The following FBXL13 variants were observed in gnomAD, a reference collection of about 807,000 sequenced individuals.
FBXL13 encodes the protein F-box and leucine-rich repeat protein 13.
FBXL13 carries 67 observed loss-of-function variants against 83.6 expected under a neutral mutation model. That is an observed-to-expected ratio of 0.80 (90% confidence interval 0.66 to 0.98). FBXL13 has a LOEUF of 0.98. FBXL13 is among the 50% of genes least tolerant of loss of function. The probability of loss-of-function intolerance (pLI) is 0.00; values close to 1 mark genes in which losing one functional copy is unlikely to be tolerated. For missense variants in FBXL13, 822 were observed against 866.5 expected, an observed-to-expected ratio of 0.95 and a Z score of 0.64; for synonymous variants, 272 against 299.5, an observed-to-expected ratio of 0.91 and a Z score of 0.95.
chr7:102,867,954 G>T (rs145367780), intron 16 of FBXL13, among the ~76,000 whole-genome samples: 1 of 151,246 alleles, frequency 6.6e-6, no homozygotes, highest in Non-Finnish European at 1.5e-5. Context: ...TGCCCACCTC[G>T]GCCTCCCAAA....
intron 8 of FBXL13, among the ~76,000 whole-genome samples, chr7:102,947,313 G>A (rs1240826120): frequency 2.0e-5 from 3 of 152,150 alleles, no homozygotes; most frequent in Non-Finnish European, 4.4e-5. Flanking sequence ...AAGAGCCCAA[G>A]TTGTTCTCAG....
chr7:103,057,554 G>C (rs1797455708), intron 1 of FBXL13, among the ~76,000 whole-genome samples: 1 of 152,228 alleles, frequency 6.6e-6, no homozygotes, highest in South Asian at 2.1e-4. Context: ...AAACACATTT[G>C]TATTTTATCA....
chr7:102,820,104 T>C (rs1210797760), intron 19 of FBXL13, among the ~76,000 whole-genome samples: 1 of 152,212 alleles, frequency 6.6e-6, no homozygotes, highest in East Asian at 1.9e-4. Flanking sequence ...CACTCTACAG[T>C]GAGGACTGTC....
At chr7:102,911,100 T>C (rs1417933227) in intron 11 of FBXL13, among the ~76,000 whole-genome samples, 4 of 152,204 alleles carry the variant, frequency 2.6e-5, no homozygotes, top group African/African-American at 9.7e-5. Context: ...TAGATAGTTG[T>C]TAACTTGGTG....
At chr7:103,025,497 G>A (rs144843469) in intron 5 of FBXL13, among the ~76,000 whole-genome samples, 3 of 152,272 alleles carry the variant, frequency 2.0e-5, no homozygotes, top group African/African-American at 7.2e-5. Flanking sequence ...CTCTTTCACA[G>A]ATGAGGAAGT....
chr7:102,868,425 C>G (rs1196200260), intron 16 of FBXL13, among the ~76,000 whole-genome samples: 1 of 152,066 alleles, frequency 6.6e-6, no homozygotes, highest in Non-Finnish European at 1.5e-5. Context: ...TCTTTCTGTG[C>G]TTGGATTATT....
intron 11 of FBXL13, among the ~76,000 whole-genome samples, chr7:102,912,076 G>A (rs971751446): frequency 6.6e-6 from 1 of 152,132 alleles, no homozygotes; most frequent in Non-Finnish European, 1.5e-5. Context: ...GCCTGCCCCA[G>A]TATCTAGCAA....
intron 6 of FBXL13, among the ~76,000 whole-genome samples, chr7:103,010,091 C>T (rs1791439904): frequency 6.6e-6 from 1 of 151,704 alleles, no homozygotes; most frequent in Non-Finnish European, 1.5e-5. Flanking sequence ...AACCGGGTGC[C>T]AGAGCTTCTA....
At chr7:102,973,911 G>A in intron 6 of FBXL13, 1 of 655,728 alleles carries the variant, frequency 1.5e-6, no homozygotes, top group Non-Finnish European at 2.7e-6. Context: ...TTAGGGGGAC[G>A]CCTCTAAGCC....
At position 103,024,777 on chromosome 7, in the gene FBXL13, C is replaced by T. The variant is rs200036936; in HGVS notation, c.495+286G>A. 5.1e-5 allele frequency among the ~76,000 whole-genome samples: 7 copies of T among 136,790 alleles called. No individual in the cohort carries two copies. In the East Asian group the frequency reaches 1.4e-3, roughly 28 times the overall value. The allele number at this position is 136,790 out of a possible 152,430, so 89.7% of individuals were successfully genotyped here. On this transcript the variant is annotated intron_variant, in intron 6 of 19. Transcript: ENST00000313221. Reference sequence around the variant, plus strand: ...AAAATATCCTTATTCTAACTGAATGCAATACATCAAGAGTAGGATTATAGT... The same window carrying T: ...AAAATATCCTTATTCTAACTGAATGTAATACATCAAGAGTAGGATTATAGT...
chr7:102,991,622 C>G (rs1449694997), intron 6 of FBXL13, among the ~76,000 whole-genome samples: 2 of 152,108 alleles, frequency 1.3e-5, no homozygotes, highest in Non-Finnish European at 2.9e-5. Flanking sequence ...TGGCAGTTCT[C>G]TCCTGTTTAA....
intron 2 of FBXL13, among the ~76,000 whole-genome samples, chr7:103,044,039 CACA>C (rs1461368483): frequency 1.3e-5 from 2 of 152,138 alleles, no homozygotes; most frequent in Admixed American, 1.3e-4. Context: ...CTAGGAAAAA[CACA>C]ACACCTCTAT....
intron 8 of FBXL13, chr7:102,944,442 G>T: frequency 6.2e-7 from 1 of 1,613,984 alleles, no homozygotes; most frequent in Non-Finnish European, 8.5e-7. Flanking sequence ...ACAAAGGATG[G>T]TCTGTGGGAA....
intron 8 of FBXL13, among the ~76,000 whole-genome samples, chr7:102,945,750 C>T (rs1469098506): frequency 2.0e-5 from 3 of 152,170 alleles, no homozygotes; most frequent in African/African-American, 7.2e-5. Context: ...ATACATTTTC[C>T]TTTCATGCTG....
intron 2 of FBXL13, among the ~76,000 whole-genome samples, chr7:103,048,645 G>A (rs1796517825): frequency 1.3e-5 from 2 of 152,022 alleles, no homozygotes; most frequent in African/African-American, 2.4e-5. Flanking sequence ...TTTTATTAAA[G>A]AGCAGATTAG....
chr7:103,057,658 T>C (rs1344936695), intron 1 of FBXL13, among the ~76,000 whole-genome samples: 1 of 152,226 alleles, frequency 6.6e-6, no homozygotes, highest in African/African-American at 2.4e-5. Flanking sequence ...AGATACTGTT[T>C]AAAGCACATA....
intron 17 of FBXL13, among the ~76,000 whole-genome samples, chr7:102,836,210 T>G (rs2129448394): frequency 6.6e-6 from 1 of 152,300 alleles, no homozygotes; most frequent in South Asian, 2.1e-4. Context: ...AACTTAAAAA[T>G]GATTACAAGG....
chr7:103,054,928 A>G lies in FBXL13; in HGVS notation c.-1+716T>C, dbSNP rs560803874. On this transcript the variant is annotated intron_variant, in intron 2 of 19. Transcript: ENST00000313221. ...AAGGTTACTATGAATGTGGCTTTGC[A>G]TGCGTCTGTGTATGTGTGTGGCTAT... Among the ~76,000 whole-genome samples the G allele has an allele frequency of 2.0e-5, 3 of 152,230 alleles. No homozygotes were observed. The East Asian group carries it at 5.8e-4, about 29-fold the overall frequency.
chr7:102,992,582 T>C (rs539305541), intron 6 of FBXL13, among the ~76,000 whole-genome samples: 6 of 152,336 alleles, frequency 3.9e-5, no homozygotes, highest in African/African-American at 1.4e-4. Flanking sequence ...ATGAAAACTT[T>C]AGATCAAAAT....
Sources: gnomAD v4.1 joint callset for allele counts (sites outside exome capture counted in the v4.1 genomes callset) on GRCh38, gnomAD v4.1.1 for gene constraint, MANE v1.5 for transcripts, NCBI Gene and HGNC (gene_info 2026-07-23, HGNC 2026-07-21) for gene names.